The following CREB5 variants were observed in gnomAD, a reference collection of about 807,000 sequenced individuals.
CREB5 encodes cAMP responsive element binding protein 5, also known as cyclic AMP-responsive element-binding protein 5.
Under a neutral mutation model 57.1 loss-of-function variants are expected in CREB5, and 19 were observed. The observed-to-expected ratio is 0.33, with a 90% CI of 0.23 to 0.49. CREB5 has a LOEUF of 0.49. Among genes scored for constraint, CREB5 ranks in the 20% least tolerant of loss-of-function variants. CREB5 has a pLI of 0.99. For missense variants in CREB5, 579 were observed against 671.6 expected, an observed-to-expected ratio of 0.86 and a Z score of 1.52; for synonymous variants, 238 against 238.3, an observed-to-expected ratio of 1.00 and a Z score of 0.01.
chr7:28,580,425 C>CCA (rs1267298117), intron 5 of CREB5, among the ~76,000 whole-genome samples: 15 of 72,374 alleles, frequency 2.1e-4, no homozygotes, highest in East Asian at 8.2e-4. Context: ...CCAATCCCCC[C>CCA]CCACCACACA....
chr7:28,448,927 C>G (rs926393481), intron 1 of CREB5, among the ~76,000 whole-genome samples: 2 of 152,220 alleles, frequency 1.3e-5, no homozygotes, highest in African/African-American at 4.8e-5. Context: ...GTTGTGACTT[C>G]TGCTTTGAGG....
intron 4 of CREB5, among the ~76,000 whole-genome samples, chr7:28,554,164 C>T (rs1363191630): frequency 6.6e-6 from 1 of 152,286 alleles, no homozygotes; most frequent in South Asian, 2.1e-4. Flanking sequence ...CCCATCGTCA[C>T]AAAAAAATCA....
intron 5 of CREB5, among the ~76,000 whole-genome samples, chr7:28,611,130 C>A (rs981734554): frequency 6.6e-6 from 1 of 152,034 alleles, no homozygotes; most frequent in Non-Finnish European, 1.5e-5. Flanking sequence ...TGTGCAATTT[C>A]TCCTGCATGT....
At chr7:28,453,489 T>C (rs555746143) in intron 1 of CREB5, among the ~76,000 whole-genome samples, 1 of 152,332 alleles carries the variant, frequency 6.6e-6, no homozygotes, top group Admixed American at 6.5e-5. Flanking sequence ...TTTATACATA[T>C]AAAATTGACT....
At chr7:28,811,968 G>C (rs1809145465) in intron 9 of CREB5, among the ~76,000 whole-genome samples, 1 of 152,208 alleles carries the variant, frequency 6.6e-6, no homozygotes. Context: ...TGGCCCTATT[G>C]ACTTCCGGGC....
rs930531642 is a variant in CREB5, at chr7:28,451,474, G to A, written c.4-36701G>A. Among the ~76,000 whole-genome samples the A allele has an allele frequency of 2.0e-5, 3 of 151,506 alleles. No homozygotes were observed. In the South Asian group the frequency reaches 6.2e-4, roughly 32 times the overall value. ...ACTGTGTGTGTGTGTGTGTGTGTGTGTGTGTGTGTGTGTGTGTGTTTGTCT... is the reference window on the plus strand; with the variant it reads ...ACTGTGTGTGTGTGTGTGTGTGTGTATGTGTGTGTGTGTGTGTGTTTGTCT... On this transcript the variant is annotated intron_variant, in intron 1 of 10. Transcript: ENST00000357727.
In CREB5 at chr7:28,560,927, TGCGTGTGTGCGTGCGTGTGTGTGC is replaced by T. The variant is rs1562797906; in HGVS notation, c.292-9436_292-9413del. ...GCGCGTGCGTGTGCGTGTGTGCGCG[TGCGTGTGTGCGTGCGTGTGTGTGC>T]GTGTGTGTGCGTGTGTGTGTGCGTG... is the stretch of plus-strand genomic sequence containing the variant. On this transcript the variant is annotated intron_variant, in intron 4 of 10. Coordinates refer to ENST00000357727, the MANE Select transcript of CREB5 (RefSeq NM_182898.4). 4.0e-4 allele frequency among the ~76,000 whole-genome samples: 23 copies of T among 57,568 alleles called. 1 individual carries two copies. The highest frequency in any genetic ancestry group is 4.4e-4 in the Non-Finnish European group (14 of 31,908). The allele number at this position is 57,568 out of a possible 152,430, so 37.8% of individuals were successfully genotyped here.
At chr7:28,634,292 C>A (rs1220230765) in intron 5 of CREB5, among the ~76,000 whole-genome samples, 1 of 152,136 alleles carries the variant, frequency 6.6e-6, no homozygotes. Context: ...TGTCACTTCC[C>A]TTTCAGACCA....
intron 4 of CREB5, among the ~76,000 whole-genome samples, chr7:28,511,204 G>A (rs1381436626): frequency 7.2e-6 from 1 of 139,288 alleles, no homozygotes; most frequent in African/African-American, 3.0e-5. Flanking sequence ...GGCATGCTGC[G>A]GGTGGTCAGG....
intron 8 of CREB5, among the ~76,000 whole-genome samples, chr7:28,807,457 A>T (rs1808806409): frequency 6.6e-6 from 1 of 152,214 alleles, no homozygotes; most frequent in African/African-American, 2.4e-5. Flanking sequence ...TCAAGAAAAA[A>T]AGAAAATGTC....
intron 1 of CREB5, among the ~76,000 whole-genome samples, chr7:28,390,904 T>A (rs1270838242): frequency 6.6e-6 from 1 of 151,924 alleles, no homozygotes; most frequent in Admixed American, 6.6e-5. Flanking sequence ...TAGCGTTTCC[T>A]TATGCACTTT....
At chr7:28,329,724 T>C (rs1373237759) in intron 1 of CREB5, among the ~76,000 whole-genome samples, 1 of 152,216 alleles carries the variant, frequency 6.6e-6, no homozygotes, top group African/African-American at 2.4e-5. Context: ...AAGATAACAC[T>C]GTAATTCTCC....
chr7:28,614,708 T>A (rs1001506080), intron 5 of CREB5, among the ~76,000 whole-genome samples: 1 of 152,142 alleles, frequency 6.6e-6, no homozygotes, highest in African/African-American at 2.4e-5. Context: ...GTTTCTTAAT[T>A]TTTTTCTTAT....
At chr7:28,323,178 G>T (rs144229027) in intron 1 of CREB5, among the ~76,000 whole-genome samples, 1 of 152,142 alleles carries the variant, frequency 6.6e-6, no homozygotes, top group Non-Finnish European at 1.5e-5. Context: ...GGCTGGGAGA[G>T]CCCCAATCCT....
At chr7:28,629,818 T>C (rs1028557722) in intron 5 of CREB5, among the ~76,000 whole-genome samples, 5 of 152,356 alleles carry the variant, frequency 3.3e-5, no homozygotes, top group African/African-American at 1.2e-4. Flanking sequence ...TTTCCTGTAT[T>C]GAGTGTCCAC....
chr7:28,634,818 T>G (rs1286306521), intron 5 of CREB5, among the ~76,000 whole-genome samples: 1 of 152,206 alleles, frequency 6.6e-6, no homozygotes, highest in Non-Finnish European at 1.5e-5. Flanking sequence ...TTCTTTTAAT[T>G]GTATGTTTTC....
intron 5 of CREB5, among the ~76,000 whole-genome samples, chr7:28,613,672 A>G (rs566889425): frequency 6.6e-6 from 1 of 152,186 alleles, no homozygotes; most frequent in African/African-American, 2.4e-5. Flanking sequence ...GCTGTATTTG[A>G]TATTTCATGA....
At position 28,798,046 on chromosome 7, in the gene CREB5, A is replaced by G. The variant is rs376493387; in HGVS notation, c.703-6153A>G. ...TATTTGGAAGGAAATATGAATTCAGATTTTGTCATATTTGTATGTAGAGAG... is the reference window on the plus strand; with the variant it reads ...TATTTGGAAGGAAATATGAATTCAGGTTTTGTCATATTTGTATGTAGAGAG... On this transcript the variant is annotated intron_variant, in intron 7 of 10. Coordinates refer to ENST00000357727, the MANE Select transcript of CREB5 (RefSeq NM_182898.4). Among the ~76,000 whole-genome samples the G allele has an allele frequency of 2.6e-5, 4 of 152,230 alleles. No homozygotes were observed. The East Asian group carries it at 7.7e-4, about 29-fold the overall frequency.
At chr7:28,737,473 G>C (rs1393082214) in intron 7 of CREB5, among the ~76,000 whole-genome samples, 2 of 141,408 alleles carry the variant, frequency 1.4e-5, no homozygotes, top group African/African-American at 5.3e-5. Flanking sequence ...AAATCATTTA[G>C]CACATAGTAA....
Sources: gnomAD v4.1 joint callset for allele counts (sites outside exome capture counted in the v4.1 genomes callset) on GRCh38, gnomAD v4.1.1 for gene constraint, MANE v1.5 for transcripts, NCBI Gene and HGNC (gene_info 2026-07-23, HGNC 2026-07-21) for gene names.